PTK2: variants seen among roughly 807,000 people sequenced by gnomAD.
PTK2 encodes the protein protein tyrosine kinase 2, also known as focal adhesion kinase 1.
PTK2 carries 45 observed loss-of-function variants against 150.1 expected under a neutral mutation model. The observed-to-expected ratio is 0.30, with a 90% CI of 0.24 to 0.38. PTK2 has a LOEUF of 0.38. Among genes scored for constraint, PTK2 ranks in the 10% least tolerant of loss-of-function variants. PTK2 has a pLI of 1.00. For missense variants in PTK2, 919 were observed against 1,307.3 expected (o/e 0.70, Z 4.58); for synonymous variants, 432 against 449.2 (o/e 0.96, Z 0.48).
chr8:140,889,257 T>C (rs755621243), intron 3 of PTK2, among the ~76,000 whole-genome samples: 1 of 152,172 alleles, frequency 6.6e-6, no homozygotes, highest in African/African-American at 2.4e-5. Flanking sequence ...TTTGAGACAG[T>C]CTCACTTTGT....
At chr8:140,812,979 T>C (rs1484866493) in intron 10 of PTK2, among the ~76,000 whole-genome samples, 1 of 152,168 alleles carries the variant, frequency 6.6e-6, no homozygotes, top group South Asian at 2.1e-4. Flanking sequence ...ATCACTGAGA[T>C]GGAAATTAAC....
intron 14 of PTK2, among the ~76,000 whole-genome samples, chr8:140,783,892 C>T (rs1007287816): frequency 4.6e-5 from 7 of 152,106 alleles, no homozygotes; most frequent in Non-Finnish European, 8.8e-5. Context: ...GGCGTGGTGG[C>T]TCACGACTAA....
At chr8:140,953,651 ACT>A (rs2154609173) in intron 1 of PTK2, among the ~76,000 whole-genome samples, 1 of 152,332 alleles carries the variant, frequency 6.6e-6, no homozygotes, top group South Asian at 2.1e-4. Context: ...GTATTTCTGG[ACT>A]GCAGCTAACA....
intron 5 of PTK2, among the ~76,000 whole-genome samples, chr8:140,851,902 C>T (rs2100129505): frequency 6.6e-6 from 1 of 150,546 alleles, no homozygotes; most frequent in Non-Finnish European, 1.5e-5. Flanking sequence ...AACTGCATAG[C>T]AATCTTTTAA....
At chr8:140,690,236 G>A (rs1232887587) in intron 26 of PTK2, among the ~76,000 whole-genome samples, 1 of 152,196 alleles carries the variant, frequency 6.6e-6, no homozygotes, top group Non-Finnish European at 1.5e-5. Flanking sequence ...ACAGGCGTGA[G>A]CCACCGCGCC....
chr8:140,865,331 T>C (rs2100138677), intron 4 of PTK2, among the ~76,000 whole-genome samples: 1 of 152,236 alleles, frequency 6.6e-6, no homozygotes, highest in Non-Finnish European at 1.5e-5. Flanking sequence ...CCCAAAGTGC[T>C]GGGATTATAG....
At chr8:140,701,700 C>A (rs945402710) in intron 25 of PTK2, among the ~76,000 whole-genome samples, 1 of 152,140 alleles carries the variant, frequency 6.6e-6, no homozygotes, top group Non-Finnish European at 1.5e-5. Flanking sequence ...TGACGATAGT[C>A]CACTTAGGGC....
At chr8:140,767,290 A>C (rs2100072843) in intron 14 of PTK2, among the ~76,000 whole-genome samples, 1 of 151,832 alleles carries the variant, frequency 6.6e-6, no homozygotes, top group Admixed American at 6.6e-5. Context: ...TGAATTGTAC[A>C]TAAAATCTCT....
chr8:140,922,493 A>G (rs1055146616), intron 2 of PTK2, among the ~76,000 whole-genome samples: 3 of 152,134 alleles, frequency 2.0e-5, no homozygotes, highest in Non-Finnish European at 1.5e-5. Flanking sequence ...GATGGGAAGG[A>G]TAAGAGCACA....
In PTK2 at chr8:140,706,219, A is replaced by G; in HGVS notation, c.2143-14T>C. 6.3e-7 allele frequency: 1 copy of G among 1,593,446 alleles called. No homozygotes were observed. The highest frequency in any genetic ancestry group is 1.1e-5 in the South Asian group (1 of 90,606). On this transcript the variant is annotated splice_polypyrimidine_tract_variant and intron_variant, in intron 23 of 31. Coordinates refer to ENST00000522684, the Ensembl canonical transcript of PTK2. ...CGGTCTGCTGGGCTGTAAAATCAAG[A>G]GAGCATCATATGAATGAACCTTTTG... is the stretch of plus-strand genomic sequence containing the variant.
intron 30 of PTK2, among the ~76,000 whole-genome samples, chr8:140,667,512 G>A (rs913482961): frequency 1.3e-5 from 2 of 149,854 alleles, no homozygotes; most frequent in Admixed American, 6.7e-5. Flanking sequence ...TGTTGGCCAA[G>A]CTGGTCTTGA....
intron 1 of PTK2, among the ~76,000 whole-genome samples, chr8:140,981,144 T>C (rs1438852999): frequency 6.6e-6 from 1 of 150,606 alleles, no homozygotes; most frequent in African/African-American, 2.4e-5. Context: ...ACAATATCAT[T>C]CAATGACCAC....
chr8:140,889,620 T>C (rs2154607356), intron 3 of PTK2, among the ~76,000 whole-genome samples: 1 of 151,226 alleles, frequency 6.6e-6, no homozygotes, highest in Admixed American at 6.6e-5. Context: ...TTAATTAATT[T>C]ACTTATTGTA....
chr8:140,701,363 G>C (rs940180655), intron 25 of PTK2, among the ~76,000 whole-genome samples: 1 of 152,166 alleles, frequency 6.6e-6, no homozygotes, highest in Admixed American at 6.5e-5. Context: ...ACATATTACA[G>C]AGTATTAAAT....
intron 22 of PTK2, among the ~76,000 whole-genome samples, chr8:140,720,618 A>G (rs1434323899): frequency 6.6e-6 from 1 of 152,240 alleles, no homozygotes; most frequent in Non-Finnish European, 1.5e-5. Flanking sequence ...AATGAAAATT[A>G]GACAACCTAT....
At chr8:140,846,227 T>A in intron 7 of PTK2, 33 bp downstream of exon 7, 1 of 1,504,500 alleles carries the variant, frequency 6.6e-7, no homozygotes, top group Non-Finnish European at 9.1e-7. Context: ...GTTCTGCATA[T>A]TTGCAGGTAT....
intron 3 of PTK2, among the ~76,000 whole-genome samples, chr8:140,887,240 C>T (rs117687223): frequency 0.013 from 1,943 of 152,240 alleles, 24 homozygotes; most frequent in Admixed American, 0.034. Context: ...CTCACAGATC[C>T]CCACCACTTC....
intron 4 of PTK2, among the ~76,000 whole-genome samples, chr8:140,865,355 C>T (rs190433215): frequency 1.9e-3 from 295 of 152,318 alleles, no homozygotes; most frequent in Non-Finnish European, 3.6e-3. Context: ...TGAGCCTCCA[C>T]CCCTGGCCAT....
At chr8:140,720,433 T>C (rs2100042260) in intron 22 of PTK2, among the ~76,000 whole-genome samples, 2 of 149,524 alleles carry the variant, frequency 1.3e-5, no homozygotes, top group African/African-American at 2.5e-5. Context: ...AAAAACCGGA[T>C]GGGAAAACAG....
Sources: gnomAD v4.1 joint callset for allele counts (sites outside exome capture counted in the v4.1 genomes callset) on GRCh38, gnomAD v4.1.1 for gene constraint, MANE v1.5 for transcripts, NCBI Gene and HGNC (gene_info 2026-07-23, HGNC 2026-07-21) for gene names.